The following PLSCR4 variants were observed in gnomAD, a reference collection of about 807,000 sequenced individuals.
PLSCR4 encodes the protein phospholipid scramblase 4.
In PLSCR4, 25 loss-of-function variants were observed where a neutral mutation model predicts 36.3. The observed-to-expected ratio is 0.69, with a 90% CI of 0.50 to 0.96. The LOEUF (loss-of-function observed/expected upper bound fraction) is 0.96, where lower values mean the gene tolerates loss of function less well. Among genes scored for constraint, PLSCR4 ranks in the 40% least tolerant of loss-of-function variants. PLSCR4 has a pLI of 0.00. For missense variants in PLSCR4, 408 were observed against 414.7 expected (o/e 0.98, Z 0.14); for synonymous variants, 122 against 132.9 (o/e 0.92, Z 0.56).
At chr3:146,239,250 A>G (rs540352782) in intron 1 of PLSCR4, among the ~76,000 whole-genome samples, 2 of 152,292 alleles carry the variant, frequency 1.3e-5, no homozygotes, top group South Asian at 4.1e-4. Flanking sequence ...TATAGAAATA[A>G]AAGGGTCCCA....
intron 5 of PLSCR4, 54 bp downstream of exon 5, chr3:146,200,981 T>G (rs1211386541): frequency 1.7e-6 from 2 of 1,184,858 alleles, no homozygotes; most frequent in South Asian, 2.8e-5. Flanking sequence ...TATTGGATAA[T>G]GCAAATTTCC....
intron 1 of PLSCR4, among the ~76,000 whole-genome samples, chr3:146,242,994 G>A (rs905924257): frequency 3.9e-5 from 6 of 152,072 alleles, no homozygotes; most frequent in Admixed American, 2.6e-4. Context: ...GCCCCCAAAG[G>A]CTTTAATCCC....
chr3:146,198,293 C>T (rs73865351), intron 6 of PLSCR4, among the ~76,000 whole-genome samples: 7,798 of 152,034 alleles, frequency 0.051, 611 homozygotes, highest in African/African-American at 0.17. Context: ...TAAAACTGCA[C>T]AAACTAAATG....
intron 4 of PLSCR4, among the ~76,000 whole-genome samples, chr3:146,203,609 T>C (rs1218991896): frequency 1.3e-5 from 2 of 152,054 alleles, no homozygotes; most frequent in African/African-American, 4.8e-5. Context: ...CTTGCACTTC[T>C]ATGTTACAAA....
intron 1 of PLSCR4, among the ~76,000 whole-genome samples, chr3:146,229,581 A>ATTTTATTTTTAT (rs140126872): frequency 7.5e-6 from 1 of 132,778 alleles, no homozygotes; most frequent in Non-Finnish European, 1.6e-5. Flanking sequence ...GATTTTTATC[A>ATTTTATTTTTAT]TTTTATTTTT....
chr3:146,198,531 G>C (rs11925650), intron 6 of PLSCR4, among the ~76,000 whole-genome samples: 61,270 of 151,756 alleles, frequency 0.4, 12,722 homozygotes, highest in East Asian at 0.56. Context: ...CACCCAAGTA[G>C]CTGGGACCAC....
chr3:146,206,694 A>C lies in PLSCR4; in HGVS notation c.186T>G (p.Ser62Arg), dbSNP rs1388092502. Residue 62 changes from serine to arginine, a missense_variant, in exon 4 of 9, where the codon AGT (serine) becomes AGG (arginine). Transcript: ENST00000354952. ...YPGGLPMGYY[S>R]PQQPSTFPLY... ...AAGGGAAGGTACTGGGTTGCTGTGG[A>C]CTGTAGTATCCCATAGGCAAGCCTC... 6.2e-7 allele frequency: 1 copy of C among 1,612,552 alleles called. No homozygotes were observed. The highest frequency in any genetic ancestry group is 2.2e-5 in the East Asian group (1 of 44,830).
In PLSCR4 at chr3:146,220,995, C is replaced by G. The variant is rs9850144; in HGVS notation, c.8-70G>C. On this transcript the variant is annotated intron_variant, in intron 2 of 8. Transcript: ENST00000354952. ...TATAATGACAAAATGTATTCTTTTT[C>G]CTTTCTTATGGGAATGCATCAAGAA... 3 of 906,546 alleles carry G rather than the reference C, an allele frequency of 3.3e-6. No individual in the cohort carries two copies. In the East Asian group the frequency reaches 8.0e-5, roughly 24 times the overall value. The allele number at this position is 906,546 out of a possible 1,614,324, so 56.2% of individuals were successfully genotyped here. A position where few individuals can be genotyped will look rare whatever the true frequency, so the allele number is the denominator to read the frequency against.
chr3:146,239,831 C>T (rs912080288), intron 1 of PLSCR4, among the ~76,000 whole-genome samples: 4 of 151,692 alleles, frequency 2.6e-5, no homozygotes, highest in African/African-American at 9.7e-5. Flanking sequence ...TGCTCTGAGC[C>T]GAGATTGCAC....
chr3:146,247,688 T>C (rs564301644), intron 1 of PLSCR4, among the ~76,000 whole-genome samples: 208 of 152,318 alleles, frequency 1.4e-3, no homozygotes, highest in African/African-American at 4.8e-3. Context: ...AGTGGCATGA[T>C]AATGGCTCAC....
intron 3 of PLSCR4, among the ~76,000 whole-genome samples, chr3:146,216,212 C>T (rs2034886073): frequency 6.6e-6 from 1 of 152,090 alleles, no homozygotes; most frequent in South Asian, 2.1e-4. Flanking sequence ...GCCTGGGCAA[C>T]ACGGCAGCAT....
At chr3:146,242,814 T>A (rs2036204968) in intron 1 of PLSCR4, among the ~76,000 whole-genome samples, 1 of 152,156 alleles carries the variant, frequency 6.6e-6, no homozygotes, top group Admixed American at 6.5e-5. Flanking sequence ...GTCTTTACAG[T>A]TGTAAAGGCT....
Position 146,219,267 on chromosome 3 carries a change from C to T in PLSCR4, c.118+1548G>A, listed in dbSNP as rs139677772. Among the ~76,000 whole-genome samples the T allele has an allele frequency of 3.3e-3, 506 of 152,216 alleles. 3 individuals are homozygous for T. The highest frequency in any genetic ancestry group is 0.012 in the African/African-American group (493 of 41,534). The stretch of plus-strand genomic sequence containing the variant: ...AGACATACGCTTTATCAGATGAGAA[C>T]ATGATGTATAACCAAGGTTTTTCTC... On this transcript the variant is annotated intron_variant, in intron 3 of 8. Transcript: ENST00000354952.
At chr3:146,201,352 T>C (rs1185857396) in intron 4 of PLSCR4, among the ~76,000 whole-genome samples, 1 of 152,090 alleles carries the variant, frequency 6.6e-6, no homozygotes, top group African/African-American at 2.4e-5. Flanking sequence ...AAACATCTAC[T>C]TGCTGTAGTA....
At chr3:146,244,855 C>T (rs964477656) in intron 1 of PLSCR4, among the ~76,000 whole-genome samples, 2 of 152,086 alleles carry the variant, frequency 1.3e-5, no homozygotes, top group Non-Finnish European at 2.9e-5. Flanking sequence ...AAAGCAAAGA[C>T]AGGCCAAAAG....
At chr3:146,238,496 C>A (rs2036009737) in intron 1 of PLSCR4, among the ~76,000 whole-genome samples, 1 of 151,758 alleles carries the variant, frequency 6.6e-6, no homozygotes, top group East Asian at 1.9e-4. Flanking sequence ...ACAAAAAAAA[C>A]CTCAATCAAT....
At chr3:146,231,723 AT>A (rs536952867) in intron 1 of PLSCR4, among the ~76,000 whole-genome samples, 59 of 152,118 alleles carry the variant, frequency 3.9e-4, no homozygotes, top group African/African-American at 1.4e-3. Flanking sequence ...TCACTTGTTG[AT>A]TTGTTTAAAT....
intron 1 of PLSCR4, among the ~76,000 whole-genome samples, chr3:146,224,964 G>T (rs1034079639): frequency 1.3e-5 from 2 of 151,658 alleles, no homozygotes; most frequent in African/African-American, 4.8e-5. Flanking sequence ...TAGATACAGA[G>T]TGTCGATTGG....
chr3:146,199,845 A>C lies in PLSCR4; in HGVS notation c.592T>G (p.Cys198Gly). The C allele has an allele frequency of 6.2e-7, 1 of 1,613,332 alleles. No individual in the cohort carries two copies. Among genetic ancestry groups the C allele is most frequent in the South Asian group, 1.1e-5 (1 of 91,062 alleles). The change falls in exon 6 of 9, where the codon TGT becomes GGT. Residue 198 changes from cysteine (C) to glycine (G), a missense_variant. Coordinates refer to ENST00000354952, the MANE Select transcript of PLSCR4 (RefSeq NM_020353.3). Reference protein sequence around the residue: ...TMQRPFRCTCCCFCCPSARQE... With the variant: ...TMQRPFRCTCGCFCCPSARQE... Reference sequence around the variant, plus strand: ...CTGGCAGAGGGGCAACAGAAGCAACAGCAGGTGCATCTGAAGGGTCTCTGC... The same window carrying C: ...CTGGCAGAGGGGCAACAGAAGCAACCGCAGGTGCATCTGAAGGGTCTCTGC...
Sources: allele counts gnomAD v4.1 joint callset (sites outside exome capture counted in the v4.1 genomes callset), GRCh38; gene constraint gnomAD v4.1.1; transcripts MANE v1.5; gene names NCBI Gene and HGNC (gene_info 2026-07-23, HGNC 2026-07-21).